Variants in CCDC38 observed in about 807,000 individuals in gnomAD.
CCDC38 encodes coiled-coil domain containing 38.
In CCDC38, 69 loss-of-function variants were observed where a neutral mutation model predicts 72.8. The observed-to-expected ratio is 0.95, with a 90% CI of 0.78 to 1.16. The LOEUF is 1.16. Among genes scored for constraint, CCDC38 ranks in the 50% most tolerant of loss-of-function variants. The probability of loss-of-function intolerance (pLI) is 0.00; values close to 1 mark genes in which losing one functional copy is unlikely to be tolerated. For synonymous variants in CCDC38, 201 were observed against 213.2 expected, an observed-to-expected ratio of 0.94 and a Z score of 0.50; for missense variants, 626 against 638.9, an observed-to-expected ratio of 0.98 and a Z score of 0.22.
intron 10 of CCDC38, among the ~76,000 whole-genome samples, chr12:95,886,114 G>A (rs2079756285): frequency 6.6e-6 from 1 of 152,120 alleles, no homozygotes; most frequent in Non-Finnish European, 1.5e-5. Context: ...CATGTGGCAG[G>A]ACAGCCACAA....
At chr12:95,884,248 G>T (rs777442486) in intron 10 of CCDC38, among the ~76,000 whole-genome samples, 2 of 152,030 alleles carry the variant, frequency 1.3e-5, no homozygotes, top group Non-Finnish European at 2.9e-5. Flanking sequence ...GTACGGTCAG[G>T]GTATACAATC....
intron 11 of CCDC38, among the ~76,000 whole-genome samples, chr12:95,881,037 G>T (rs775645000): frequency 6.6e-6 from 1 of 152,078 alleles, no homozygotes; most frequent in African/African-American, 2.4e-5. Flanking sequence ...ATACAACAAT[G>T]AATGGTATTT....
rs1181806645 is a variant in CCDC38, at chr12:95,942,608, T to A, written c.-192A>T. 6.6e-6 allele frequency: 1 copy of A among 152,390 alleles called. No individual in the cohort carries two copies. Among genetic ancestry groups the A allele is most frequent in the Non-Finnish European group, 1.5e-5 (1 of 68,226 alleles). 9.4% of individuals were successfully genotyped at this position (152,390 alleles called of 1,614,324 possible). ...TCCCGGAACGCAGCTGGCCAACGGA[T>A]AAGTGCGGGGCACCCGCCACCCGCG... On this transcript the variant is annotated 5_prime_UTR_variant, in exon 1 of 16. Transcript: ENST00000344280.
intron 7 of CCDC38, 130 bp from the exon 8 acceptor site, chr12:95,895,276 G>T: frequency 1.8e-6 from 1 of 570,478 alleles, no homozygotes; most frequent in Non-Finnish European, 2.8e-6. Flanking sequence ...GGATAAATAT[G>T]GCCATAAAAA....
chr12:95,895,791 C>T (rs953110483), intron 7 of CCDC38, among the ~76,000 whole-genome samples: 3 of 139,442 alleles, frequency 2.2e-5, no homozygotes, highest in African/African-American at 8.2e-5. Flanking sequence ...GGCATGGTGG[C>T]TCACCCCTGT....
intron 7 of CCDC38, among the ~76,000 whole-genome samples, chr12:95,895,885 G>C (rs1303351996): frequency 6.6e-6 from 1 of 151,004 alleles, no homozygotes; most frequent in Non-Finnish European, 1.5e-5. Context: ...GTGAAACCCT[G>C]TCTCTACTAA....
intron 2 of CCDC38, among the ~76,000 whole-genome samples, chr12:95,923,380 A>T (rs949430269): frequency 2.6e-5 from 4 of 152,048 alleles, no homozygotes; most frequent in African/African-American, 9.7e-5. Flanking sequence ...CATCACTCCC[A>T]GGCCAGGGCT....
At chr12:95,875,353 T>C (rs577428850) in intron 13 of CCDC38, among the ~76,000 whole-genome samples, 86 of 152,136 alleles carry the variant, frequency 5.7e-4, no homozygotes, top group Non-Finnish European at 1.1e-3. Flanking sequence ...TTCTCAACAT[T>C]ACATTATACT....
At chr12:95,906,475 T>C (rs748891416) in intron 4 of CCDC38, 24 bp from the exon 5 acceptor site, 4 of 1,531,692 alleles carry the variant, frequency 2.6e-6, no homozygotes, top group Non-Finnish European at 3.6e-6. Context: ...TGAAATAGAC[T>C]TAAGTTTAGT....
intron 2 of CCDC38, 23 bp downstream of exon 2, chr12:95,936,450 T>A (rs1303384901): frequency 6.2e-7 from 1 of 1,610,982 alleles, no homozygotes; most frequent in South Asian, 1.1e-5. Flanking sequence ...CAAACAAGAA[T>A]ATATTGATTG....
chr12:95,917,766 G>T (rs902934995), intron 3 of CCDC38, among the ~76,000 whole-genome samples: 1 of 151,790 alleles, frequency 6.6e-6, no homozygotes, highest in African/African-American at 2.4e-5. Flanking sequence ...CAGCTACTCA[G>T]GAGGCTGAGG....
At chr12:95,882,304 G>T (rs2079709717) in intron 10 of CCDC38, among the ~76,000 whole-genome samples, 1 of 152,076 alleles carries the variant, frequency 6.6e-6, no homozygotes, top group South Asian at 2.1e-4. Flanking sequence ...ATATATGGAA[G>T]AATGAAATCA....
At chr12:95,867,862 T>C (rs1432493722) in intron 15 of CCDC38, among the ~76,000 whole-genome samples, 1 of 152,166 alleles carries the variant, frequency 6.6e-6, no homozygotes, top group Non-Finnish European at 1.5e-5. Context: ...ACTACCATAA[T>C]TCTATGAGAT....
At chr12:95,883,687 T>A (rs2079725890) in intron 10 of CCDC38, among the ~76,000 whole-genome samples, 1 of 152,216 alleles carries the variant, frequency 6.6e-6, no homozygotes, top group African/African-American at 2.4e-5. Flanking sequence ...TGTATTGCAA[T>A]CAACTTGGCT....
chr12:95,929,385 G>A (rs1453073208), intron 2 of CCDC38, among the ~76,000 whole-genome samples: 1 of 152,152 alleles, frequency 6.6e-6, no homozygotes, highest in Non-Finnish European at 1.5e-5. Context: ...GCAATGCCTT[G>A]CCCTGCTTCG....
At chr12:95,923,029 T>G (rs763829422) in intron 2 of CCDC38, among the ~76,000 whole-genome samples, 2 of 152,054 alleles carry the variant, frequency 1.3e-5, no homozygotes, top group African/African-American at 4.8e-5. Flanking sequence ...TCCAATCTCT[T>G]GAGGGTCTGA....
intron 5 of CCDC38, among the ~76,000 whole-genome samples, chr12:95,899,075 G>A (rs778023014): frequency 2.0e-5 from 3 of 152,154 alleles, no homozygotes; most frequent in Non-Finnish European, 4.4e-5. Flanking sequence ...TGGGTTGTCT[G>A]CAGTCACAAA....
At position 95,869,699 on chromosome 12, in the gene CCDC38, T is replaced by TG. The variant is rs371168625; in HGVS notation, c.1485-127_1485-126insC. ...TTTAAAGGTAAATGAAAATGACACT[T>TG]CATCTTTACTCATAACCGTGGCTTT... On this transcript the variant is annotated intron_variant, in intron 14 of 15. Transcript: ENST00000344280. 1,318 of 656,646 alleles carry TG rather than the reference T, an allele frequency of 2.0e-3. 23 individuals are homozygous for TG. The African/African-American group carries it at 0.022, about 11-fold the overall frequency. The allele number at this position is 656,646 out of a possible 1,614,324, so 40.7% of individuals were successfully genotyped here.
intron 7 of CCDC38, 63 bp downstream of exon 7, chr12:95,898,322 G>T: frequency 6.9e-7 from 1 of 1,456,852 alleles, no homozygotes; most frequent in East Asian, 2.3e-5. Flanking sequence ...GGTCTTACCT[G>T]GCATGAATAG....
Sources: allele counts gnomAD v4.1 joint callset (sites outside exome capture counted in the v4.1 genomes callset), GRCh38; gene constraint gnomAD v4.1.1; transcripts MANE v1.5; gene names NCBI Gene and HGNC (gene_info 2026-07-23, HGNC 2026-07-21).